Variants in AGO3 observed in about 807,000 individuals in gnomAD.
The protein encoded by AGO3 is protein argonaute-3.
Under a neutral mutation model 105.5 loss-of-function variants are expected in AGO3, and 16 were observed. The observed-to-expected ratio is 0.15, with a 90% CI of 0.10 to 0.23. AGO3 has a LOEUF of 0.23. Ranked by LOEUF, AGO3 falls within the 10% of genes least tolerant of loss-of-function variation. The probability of loss-of-function intolerance (pLI) is 1.00; values close to 1 mark genes in which losing one functional copy is unlikely to be tolerated. For synonymous variants in AGO3, 340 were observed against 367.3 expected, an observed-to-expected ratio of 0.93 and a Z score of 0.85; for missense variants, 534 against 1,088.0, an observed-to-expected ratio of 0.49 and a Z score of 7.16.
chr1:35,931,334 C>CCGTCG lies in AGO3; in HGVS notation c.-85_-81dup, dbSNP rs911158424. On this transcript the variant is annotated 5_prime_UTR_variant, in exon 1 of 19. Transcript: ENST00000373191. Reference sequence around the variant, plus strand: ...CCGCCTCGGGGCCGAGTGAGAGTGCCCGTCGCGTCGCGCCGCGTCGCCCCC... The same window carrying CCGTCG: ...CCGCCTCGGGGCCGAGTGAGAGTGCCCGTCGCGTCGCGTCGCGCCGCGTCGCCCCC... The CCGTCG allele has an allele frequency of 3.2e-5, 39 of 1,232,308 alleles. No homozygotes were observed. The African/African-American group carries it at 4.4e-4, about 14-fold the overall frequency. The allele number at this position is 1,232,308 out of a possible 1,614,324, so 76.3% of individuals were successfully genotyped here. A position where few individuals can be genotyped will look rare whatever the true frequency, so the allele number is the denominator to read the frequency against.
chr1:35,940,445 C>T (rs1037650413), intron 1 of AGO3, among the ~76,000 whole-genome samples: 5 of 152,168 alleles, frequency 3.3e-5, no homozygotes, highest in Non-Finnish European at 5.9e-5. Context: ...GTGTCTTAAT[C>T]GGTAAGTTTT....
At position 36,070,473 on chromosome 1, in the gene AGO3, T is replaced by G. The variant is rs1643147558; in HGVS notation, c.*14728T>G. On this transcript the variant is annotated 3_prime_UTR_variant, in exon 19 of 19. Transcript: ENST00000373191. ...ATTTCCATGGGGGGAAGAGATTCTG[T>G]TTCTAGGAAATTACAAAGGGCACAC... 1 of 152,190 alleles carries G rather than the reference T, an allele frequency of 6.6e-6. No individual in the cohort carries two copies. The highest frequency in any genetic ancestry group is 1.5e-5 in the Non-Finnish European group (1 of 68,030). 9.4% of individuals were successfully genotyped at this position (152,190 alleles called of 1,614,324 possible).
intron 1 of AGO3, among the ~76,000 whole-genome samples, chr1:35,941,717 GC>G (rs1417663207): frequency 6.6e-6 from 1 of 152,210 alleles, no homozygotes; most frequent in Admixed American, 6.5e-5. Flanking sequence ...AGCAGGCCAG[GC>G]TTGGTGGCTC....
chr1:35,938,817 G>C (rs1646200983), intron 1 of AGO3, among the ~76,000 whole-genome samples: 1 of 152,070 alleles, frequency 6.6e-6, no homozygotes, highest in Admixed American at 6.5e-5. Context: ...TATAGTATAT[G>C]TTATAGTTGA....
intron 5 of AGO3, among the ~76,000 whole-genome samples, chr1:36,003,707 AAAAT>A (rs1395173850): frequency 2.0e-4 from 24 of 120,250 alleles, no homozygotes; most frequent in African/African-American, 4.3e-4. Context: ...AAAAAAAAAA[AAAAT>A]ATATATATAT....
chr1:36,013,639 G>A lies in AGO3; in HGVS notation c.1159G>A (p.Ala387Thr). The A allele has an allele frequency of 1.2e-6, 2 of 1,613,430 alleles. No homozygotes were observed. Among genetic ancestry groups the A allele is most frequent in the Non-Finnish European group, 1.7e-6 (2 of 1,179,698 alleles). Residue 387 changes from alanine to threonine, a missense_variant, in exon 10 of 19, where the codon GCA becomes ACA. By Grantham distance (58) the Ala-to-Thr change is moderately conservative. This residue lies in a region of AGO3 where 373 missense variants were observed against 854.0 expected (regional missense o/e 0.44). Coordinates refer to ENST00000373191, the MANE Select transcript of AGO3 (RefSeq NM_024852.4). Reference protein sequence around the residue: ...QEEISRLVRSANYETDPFVQE... With the variant: ...QEEISRLVRSTNYETDPFVQE... ...CTTTTTCTATTTTTAGGTAAGAAGTGCAAATTATGAAACAGATCCATTTGT... is the reference window on the plus strand; with the variant it reads ...CTTTTTCTATTTTTAGGTAAGAAGTACAAATTATGAAACAGATCCATTTGT...
chr1:35,957,186 C>T (rs1477821868), intron 2 of AGO3, among the ~76,000 whole-genome samples: 1 of 151,004 alleles, frequency 6.6e-6, no homozygotes, highest in Non-Finnish European at 1.5e-5. Flanking sequence ...CCCATCTCTA[C>T]TAAAAATACA....
chr1:35,987,496 A>G (rs1647238355), intron 5 of AGO3, among the ~76,000 whole-genome samples: 1 of 151,838 alleles, frequency 6.6e-6, no homozygotes, highest in Admixed American at 6.6e-5. Flanking sequence ...CTGTTTCAAA[A>G]AAAAAGCAAA....
chr1:35,964,444 G>A (rs1255315293), intron 2 of AGO3, among the ~76,000 whole-genome samples: 5 of 152,142 alleles, frequency 3.3e-5, no homozygotes, highest in African/African-American at 9.7e-5. Flanking sequence ...ATGTTCTGCA[G>A]AGTACATGAT....
chr1:35,989,144 C>T (rs1168143738), intron 5 of AGO3, among the ~76,000 whole-genome samples: 2 of 152,154 alleles, frequency 1.3e-5, no homozygotes, highest in African/African-American at 4.8e-5. Context: ...TGTAGTCTCA[C>T]TGGTTGAGGG....
At chr1:36,032,244 G>A (rs1254048531) in intron 12 of AGO3, among the ~76,000 whole-genome samples, 1 of 152,072 alleles carries the variant, frequency 6.6e-6, no homozygotes, top group Non-Finnish European at 1.5e-5. Flanking sequence ...TTTGATAGTA[G>A]CCATCCTAAT....
At position 36,008,266 on chromosome 1, in the gene AGO3, G is replaced by A. The variant is rs2148813287; in HGVS notation, c.794-424G>A. Among the ~76,000 whole-genome samples the A allele has an allele frequency of 6.6e-6, 1 of 152,266 alleles. No individual in the cohort carries two copies. The highest frequency in any genetic ancestry group is 3.4e-3 in the Middle Eastern group (1 of 294). The stretch of plus-strand genomic sequence containing the variant: ...CAAAATTCTGATCTTCAAGCAGTAT[G>A]TGATGACTGGGCTAGGTAAATATCA... On this transcript the variant is annotated intron_variant, in intron 6 of 18. Transcript: ENST00000373191. This position sits in a 1 kb window ranked among gnomAD's most constrained non-coding sequence, Gnocchi z 5.1.
At chr1:35,952,968 T>C (rs1266843475) in intron 2 of AGO3, among the ~76,000 whole-genome samples, 1 of 152,236 alleles carries the variant, frequency 6.6e-6, no homozygotes, top group Non-Finnish European at 1.5e-5. Context: ...GATGGACATT[T>C]GGGTTGTTGC....
At chr1:36,045,646 G>A (rs932567751) in intron 17 of AGO3, among the ~76,000 whole-genome samples, 10 of 151,504 alleles carry the variant, frequency 6.6e-5, no homozygotes, top group East Asian at 3.9e-4. Context: ...AGGTTCAAGC[G>A]ATTCTTCTGC....
chr1:35,961,487 C>T (rs190538627), intron 2 of AGO3, among the ~76,000 whole-genome samples: 31 of 152,166 alleles, frequency 2.0e-4, no homozygotes, highest in Admixed American at 1.4e-3. Flanking sequence ...ACTATTTTTC[C>T]TAGTTCTTTC....
chr1:36,010,931 G>T (rs1290198667), intron 9 of AGO3, among the ~76,000 whole-genome samples: 1 of 150,814 alleles, frequency 6.6e-6, no homozygotes, highest in African/African-American at 2.4e-5. Context: ...GAGAGAGAGA[G>T]GGAGGGAGGG....
chr1:35,987,697 A>G (rs1647252161), intron 5 of AGO3, among the ~76,000 whole-genome samples: 1 of 151,890 alleles, frequency 6.6e-6, no homozygotes, highest in Non-Finnish European at 1.5e-5. Context: ...AAATTTAAGA[A>G]AAATGTGAGA....
At chr1:36,013,795 G>A (rs746624813) in intron 10 of AGO3, 43 bp downstream of exon 10, 1 of 1,605,840 alleles carries the variant, frequency 6.2e-7, no homozygotes. Context: ...CATATTGTCT[G>A]TAAGTATGAA....
chr1:36,022,917 G>A (rs1180872328), intron 11 of AGO3, among the ~76,000 whole-genome samples: 6 of 124,138 alleles, frequency 4.8e-5, no homozygotes, highest in South Asian at 2.7e-4. Context: ...GTGAGACTCC[G>A]TCTCAAAAAA....
Sources: gnomAD v4.1 joint callset for allele counts (sites outside exome capture counted in the v4.1 genomes callset) on GRCh38, gnomAD v4.1.1 for gene constraint, gnomAD v4.1.1 regional missense constraint, Gnocchi (gnomAD v3.1) non-coding constraint, MANE v1.5 for transcripts, NCBI Gene and HGNC (gene_info 2026-07-23, HGNC 2026-07-21) for gene names.